TENM3: variants seen among roughly 807,000 people sequenced by gnomAD.
The protein encoded by TENM3 is teneurin-3.
TENM3 carries 63 observed loss-of-function variants against 255.1 expected under a neutral mutation model. The observed-to-expected ratio is 0.25, with a 90% CI of 0.20 to 0.30. TENM3 has a LOEUF of 0.30. Ranked by LOEUF, TENM3 falls within the 10% of genes least tolerant of loss-of-function variation. The pLI is 1.00. For missense variants in TENM3, 2,929 were observed against 3,461.1 expected, an observed-to-expected ratio of 0.85 and a Z score of 3.86; for synonymous variants, 1,306 against 1,322.3, an observed-to-expected ratio of 0.99 and a Z score of 0.27.
the TENM3 span, among the ~76,000 whole-genome samples, chr4:181,666,393 G>C: frequency 6.6e-6 from 1 of 152,100 alleles, no homozygotes; most frequent in Admixed American, 6.5e-5. Flanking sequence ...ATTCAGAACT[G>C]TTCAACCTCT....
chr4:182,570,063 G>A (rs1022931016), intron 3 of TENM3, among the ~76,000 whole-genome samples: 16 of 152,226 alleles, frequency 1.1e-4, no homozygotes, highest in African/African-American at 3.1e-4. Context: ...TATTTCTTTT[G>A]GACAGTTCTA....
At chr4:182,124,942 CGCCCCTGCTGGG>C in the TENM3 span, among the ~76,000 whole-genome samples, 1 of 149,130 alleles carries the variant, frequency 6.7e-6, no homozygotes, top group East Asian at 2.0e-4. Context: ...GTGTGCTACT[CGCCCCTGCTGGG>C]ATGGTGAATC....
At chr4:182,273,332 C>G (rs756084378) in intron 1 of TENM3, among the ~76,000 whole-genome samples, 9 of 152,246 alleles carry the variant, frequency 5.9e-5, no homozygotes, top group Non-Finnish European at 1.2e-4. Flanking sequence ...TGGTTTGGCT[C>G]CAGAGTTCAC....
At chr4:182,791,073 C>A (rs1468829527) in intron 25 of TENM3, among the ~76,000 whole-genome samples, 2 of 152,308 alleles carry the variant, frequency 1.3e-5, no homozygotes, top group South Asian at 4.1e-4. Context: ...ATTTTACAGA[C>A]CACCATCAAA....
At chr4:181,687,391 T>G in the TENM3 span, among the ~76,000 whole-genome samples, 1 of 152,228 alleles carries the variant, frequency 6.6e-6, no homozygotes, top group Admixed American at 6.5e-5. Flanking sequence ...CACAAACTTT[T>G]GTAGAAACTA....
the TENM3 span, among the ~76,000 whole-genome samples, chr4:181,619,882 G>A: frequency 1.6e-4 from 24 of 152,166 alleles, no homozygotes; most frequent in African/African-American, 5.6e-4. Context: ...GTCAACAGCC[G>A]TATTCATTGT....
the TENM3 span, among the ~76,000 whole-genome samples, chr4:181,544,408 TAAAAAAAA>T: frequency 2.0e-3 from 138 of 68,664 alleles, no homozygotes; most frequent in African/African-American, 3.5e-3. Context: ...CCTTCAGGAT[TAAAAAAAA>T]AAAAAAAAAA....
At chr4:181,579,170 C>T in the TENM3 span, among the ~76,000 whole-genome samples, 1 of 152,038 alleles carries the variant, frequency 6.6e-6, no homozygotes, top group Admixed American at 6.6e-5. Context: ...TCCTGCTCAC[C>T]AGAGGCTGCA....
chr4:182,266,216 CAT>C (rs1212169788), intron 1 of TENM3, among the ~76,000 whole-genome samples: 1 of 152,172 alleles, frequency 6.6e-6, no homozygotes, highest in African/African-American at 2.4e-5. Flanking sequence ...AACATTATAA[CAT>C]GTAATTAAAA....
the TENM3 span, among the ~76,000 whole-genome samples, chr4:182,010,802 T>A: frequency 6.6e-6 from 1 of 152,224 alleles, no homozygotes; most frequent in Non-Finnish European, 1.5e-5. Flanking sequence ...AGGTCCTATA[T>A]GTCATGCTAA....
At chr4:182,367,720 T>C (rs942399347) in intron 3 of TENM3, among the ~76,000 whole-genome samples, 1 of 152,212 alleles carries the variant, frequency 6.6e-6, no homozygotes, top group Non-Finnish European at 1.5e-5. Context: ...TAAAGTCATA[T>C]TGCAGGAGAG....
At chr4:181,769,836 C>A in the TENM3 span, among the ~76,000 whole-genome samples, 1 of 151,978 alleles carries the variant, frequency 6.6e-6, no homozygotes, top group Admixed American at 6.6e-5. Flanking sequence ...TTTACTACAC[C>A]CCTTTTGTGG....
intron 3 of TENM3, among the ~76,000 whole-genome samples, chr4:182,448,760 G>A (rs562369955): frequency 6.6e-6 from 1 of 152,068 alleles, no homozygotes; most frequent in African/African-American, 2.4e-5. Context: ...TTCGCTGGGG[G>A]CACGGCTGCT....
chr4:181,999,296 A>G, the TENM3 span, among the ~76,000 whole-genome samples: 1 of 152,204 alleles, frequency 6.6e-6, no homozygotes, highest in Non-Finnish European at 1.5e-5. Context: ...GGTGCTCCAG[A>G]GAGTGGCAAG....
At chr4:182,750,600 C>T (rs1020633614) in intron 19 of TENM3, among the ~76,000 whole-genome samples, 10 of 152,080 alleles carry the variant, frequency 6.6e-5, no homozygotes, top group Non-Finnish European at 4.4e-5. Flanking sequence ...GAGACTACTG[C>T]ATCACTATTA....
In TENM3 at chr4:182,672,909, T is replaced by G. The variant is rs145008586; in HGVS notation, c.1112-96T>G. ...TCAGAAGATGAAATGGCTTGAGCAT[T>G]TGGTAAAAATAACTTTTTCAAAAAG... is the stretch of plus-strand genomic sequence containing the variant. On this transcript the variant is annotated intron_variant, in intron 6 of 27. Coordinates refer to ENST00000511685, the MANE Select transcript of TENM3 (RefSeq NM_001080477.4). 179 of 885,308 alleles carry G rather than the reference T, an allele frequency of 2.0e-4. No individual in the cohort carries two copies. The African/African-American group carries it at 2.7e-3, about 13-fold the overall frequency. 54.8% of individuals were successfully genotyped at this position (885,308 alleles called of 1,614,324 possible).
At chr4:181,887,466 C>T in the TENM3 span, among the ~76,000 whole-genome samples, 1 of 152,130 alleles carries the variant, frequency 6.6e-6, no homozygotes, top group Admixed American at 6.5e-5. Flanking sequence ...TATTCTGGTT[C>T]TCTTTTTTTC....
At chr4:181,597,510 C>CT in the TENM3 span, among the ~76,000 whole-genome samples, 6 of 151,680 alleles carry the variant, frequency 4.0e-5, no homozygotes, top group Non-Finnish European at 8.8e-5. Context: ...ATTTCTTTTC[C>CT]TTTTTTTCAA....
At chr4:182,152,749 T>A (rs1253345163) in intron 1 of TENM3, among the ~76,000 whole-genome samples, 5 of 151,922 alleles carry the variant, frequency 3.3e-5, no homozygotes, top group South Asian at 2.1e-4. Flanking sequence ...TAAAGTTTTT[T>A]ATCCTGTGTT....
Sources: allele counts gnomAD v4.1 joint callset (sites outside exome capture counted in the v4.1 genomes callset), GRCh38; gene constraint gnomAD v4.1.1; transcripts MANE v1.5; gene names NCBI Gene and HGNC (gene_info 2026-07-23, HGNC 2026-07-21).